Variants in TBC1D5 observed in about 807,000 individuals in gnomAD.
The protein encoded by TBC1D5 is TBC1 domain family, member 5.
In TBC1D5, 75 loss-of-function variants were observed where a neutral mutation model predicts 100.3. The ratio of observed to expected loss-of-function variants is 0.75; its 90% confidence interval spans 0.62 to 0.91. The LOEUF (loss-of-function observed/expected upper bound fraction) is 0.91. TBC1D5 is among the 40% of genes least tolerant of loss of function. The pLI, the probability that TBC1D5 is intolerant of heterozygous loss-of-function variation, is 0.00. For synonymous variants in TBC1D5, 323 were observed against 325.6 expected, an observed-to-expected ratio of 0.99 and a Z score of 0.09; for missense variants, 910 against 942.4, an observed-to-expected ratio of 0.97 and a Z score of 0.45.
exon 1 of TBC1D5, chr3:17,740,224 A>T (rs1435667103): frequency 6.6e-6 from 1 of 151,804 alleles, no homozygotes; most frequent in African/African-American, 2.4e-5. Context: ...GCTACCTGGG[A>T]GGCTGAGGCA....
At chr3:17,478,750 C>T (rs1304625541) in intron 3 of TBC1D5, among the ~76,000 whole-genome samples, 1 of 152,158 alleles carries the variant, frequency 6.6e-6, no homozygotes, top group Non-Finnish European at 1.5e-5. Flanking sequence ...ATCCTGAAAC[C>T]TGGCAGTTTG....
intron 2 of TBC1D5, among the ~76,000 whole-genome samples, chr3:17,514,114 T>TA (rs1262662975): frequency 1.3e-5 from 2 of 152,178 alleles, no homozygotes; most frequent in African/African-American, 4.8e-5. Flanking sequence ...TGTCGATCTT[T>TA]AATGCAAGAG....
In TBC1D5 at chr3:17,455,518, A is replaced by G. The variant is rs541162642; in HGVS notation, c.98-26999T>C. ...TATATATATATGTGTGTGTGTATAT[A>G]TATATATATATATGTGTGTGTGTGT... is the stretch of plus-strand genomic sequence containing the variant. On this transcript the variant is annotated intron_variant, in intron 3 of 21. Transcript: ENST00000253692. Among the ~76,000 whole-genome samples the G allele has an allele frequency of 3.6e-5, 4 of 109,826 alleles. No homozygotes were observed. In the East Asian group the frequency reaches 7.9e-4, roughly 22 times the overall value. The allele number at this position is 109,826 out of a possible 152,430, so 72.1% of individuals were successfully genotyped here. A position where few individuals can be genotyped will look rare whatever the true frequency, so the allele number is the denominator to read the frequency against.
intron 17 of TBC1D5, among the ~76,000 whole-genome samples, chr3:17,223,534 A>G (rs1167281636): frequency 6.6e-6 from 1 of 152,158 alleles, no homozygotes; most frequent in Non-Finnish European, 1.5e-5. Flanking sequence ...CACTAGAAGC[A>G]TCGTAAGTTA....
At chr3:17,363,327 A>C in intron 13 of TBC1D5, among the ~76,000 whole-genome samples, 1 of 152,158 alleles carries the variant, frequency 6.6e-6, no homozygotes, top group Non-Finnish European at 1.5e-5. Flanking sequence ...CCAATTGGTC[A>C]GATTTCTGAC....
exon 13 of TBC1D5, chr3:17,372,223 T>C: frequency 6.2e-7 from 1 of 1,611,756 alleles, no homozygotes. Flanking sequence ...GCAAAGGGAA[T>C]GGGAGTCATC....
intron 2 of TBC1D5, among the ~76,000 whole-genome samples, chr3:17,549,972 T>G (rs981799783): frequency 6.6e-6 from 1 of 150,620 alleles, no homozygotes; most frequent in African/African-American, 2.4e-5. Context: ...AGAATAATAA[T>G]AATAATGAAT....
At chr3:17,706,036 T>G in intron 1 of TBC1D5, 4 of 1,558,976 alleles carry the variant, frequency 2.6e-6, no homozygotes, top group Non-Finnish European at 3.5e-6. Context: ...ACTTACACCA[T>G]GTTCTTTAAG....
chr3:17,520,858 G>A (rs564374221), intron 2 of TBC1D5, among the ~76,000 whole-genome samples: 13 of 152,216 alleles, frequency 8.5e-5, no homozygotes, highest in African/African-American at 3.1e-4. Flanking sequence ...AGACAGACAA[G>A]GAGACACTGT....
chr3:17,530,719 C>A (rs941827309), intron 2 of TBC1D5, among the ~76,000 whole-genome samples: 1 of 152,118 alleles, frequency 6.6e-6, no homozygotes, highest in Non-Finnish European at 1.5e-5. Context: ...ATAAACAGAA[C>A]CAAAGACAAA....
chr3:17,269,436 A>T (rs766018875), intron 15 of TBC1D5, among the ~76,000 whole-genome samples: 24 of 152,282 alleles, frequency 1.6e-4, no homozygotes, highest in Admixed American at 2.6e-4. Context: ...GATTGTTTTA[A>T]GAGGTAGCTG....
chr3:17,706,132 T>C, intron 1 of TBC1D5: 1 of 1,603,550 alleles, frequency 6.2e-7, no homozygotes. Flanking sequence ...AAGTCGGGCT[T>C]GAGGCAAAGG....
chr3:17,725,489 A>G (rs889648196), intron 1 of TBC1D5, among the ~76,000 whole-genome samples: 3 of 151,904 alleles, frequency 2.0e-5, no homozygotes, highest in African/African-American at 7.3e-5. Context: ...CTCTACAGGC[A>G]TGGCTCTTTG....
chr3:17,650,658 T>C (rs1488380975), intron 1 of TBC1D5, among the ~76,000 whole-genome samples: 2 of 152,222 alleles, frequency 1.3e-5, no homozygotes, highest in African/African-American at 4.8e-5. Context: ...ACATAGTGGC[T>C]CTGTATTGAT....
chr3:17,329,857 C>A (rs960878164), intron 13 of TBC1D5, among the ~76,000 whole-genome samples: 2 of 152,176 alleles, frequency 1.3e-5, no homozygotes, highest in African/African-American at 4.8e-5. Flanking sequence ...TCCTACCTTG[C>A]CAATATCCAA....
At chr3:17,491,419 C>T (rs2095638593) in intron 3 of TBC1D5, among the ~76,000 whole-genome samples, 1 of 152,070 alleles carries the variant, frequency 6.6e-6, no homozygotes, top group Non-Finnish European at 1.5e-5. Context: ...CCAGCTTTTG[C>T]CCATTCAGTA....
chr3:17,702,911 G>A (rs2073411424), intron 1 of TBC1D5, among the ~76,000 whole-genome samples: 1 of 152,064 alleles, frequency 6.6e-6, no homozygotes, highest in South Asian at 2.1e-4. Context: ...ATTCTGAAAA[G>A]CTGAGGGGTA....
intron 2 of TBC1D5, among the ~76,000 whole-genome samples, chr3:17,623,292 A>G (rs2062819869): frequency 6.6e-6 from 1 of 152,206 alleles, no homozygotes; most frequent in Non-Finnish European, 1.5e-5. Context: ...TGTACAGACC[A>G]TAGTTTGGAT....
chr3:17,263,118 G>A (rs1025694193), intron 15 of TBC1D5, among the ~76,000 whole-genome samples: 1 of 136,426 alleles, frequency 7.3e-6, no homozygotes. Flanking sequence ...GAGGCAGGAG[G>A]ATCACTTGAA....
Sources: gnomAD v4.1 joint callset for allele counts (sites outside exome capture counted in the v4.1 genomes callset) on GRCh38, gnomAD v4.1.1 for gene constraint, MANE v1.5 for transcripts, NCBI Gene and HGNC (gene_info 2026-07-23, HGNC 2026-07-21) for gene names.